The following AFF2 variants were observed in gnomAD, a reference collection of about 807,000 sequenced individuals.
AFF2 encodes ALF transcription elongation factor 2, also known as AF4/FMR2 family member 2.
In AFF2, 14 loss-of-function variants were observed where a neutral mutation model predicts 76.9. The observed-to-expected ratio is 0.18, with a 90% CI of 0.12 to 0.28. The LOEUF is 0.28. Ranked by LOEUF, AFF2 falls within the 10% of genes least tolerant of loss-of-function variation. The pLI, the probability that AFF2 is intolerant of heterozygous loss-of-function variation, is 1.00. For synonymous variants in AFF2, 398 were observed against 366.7 expected (o/e 1.09, Z -0.98); for missense variants, 868 against 1,001.1 (o/e 0.87, Z 1.79).
intron 7 of AFF2, among the ~76,000 whole-genome samples, chrX:148,853,705 T>C (rs1048977906): frequency 1.8e-5 from 2 of 111,798 alleles, no homozygotes; most frequent in African/African-American, 3.3e-5. Context: ...TTTTCAAAAG[T>C]GTTCTGTCAA....
At chrX:148,965,011 C>T (rs1418041743) in intron 13 of AFF2, among the ~76,000 whole-genome samples, 1 of 112,676 alleles carries the variant, frequency 8.9e-6, no homozygotes, top group Non-Finnish European at 1.9e-5. Flanking sequence ...GGGCAGAAAG[C>T]TGCAGCCAAA....
intron 15 of AFF2, among the ~76,000 whole-genome samples, chrX:148,970,786 T>G (rs1158768357): frequency 8.9e-6 from 1 of 112,173 alleles, no homozygotes; most frequent in Non-Finnish European, 1.9e-5. Flanking sequence ...TCATCTTTCA[T>G]GACAATAGCA....
At chrX:148,673,656 C>A (rs1283260294) in intron 3 of AFF2, among the ~76,000 whole-genome samples, 2 of 111,866 alleles carry the variant, frequency 1.8e-5, no homozygotes, top group Non-Finnish European at 3.8e-5. Flanking sequence ...GTATTCAACC[C>A]TGTATAAGAG....
chrX:148,905,720 A>G (rs1194471795), intron 9 of AFF2, among the ~76,000 whole-genome samples: 1 of 112,664 alleles, frequency 8.9e-6, no homozygotes, highest in Non-Finnish European at 1.9e-5. Context: ...TCCCAATAGG[A>G]AGTGATTCCC....
intron 8 of AFF2, among the ~76,000 whole-genome samples, chrX:148,901,714 T>A (rs1603337553): frequency 8.9e-6 from 1 of 112,262 alleles, no homozygotes; most frequent in East Asian, 2.8e-4. Flanking sequence ...TCACTTAAAA[T>A]TTTTTCCTCA....
intron 1 of AFF2, among the ~76,000 whole-genome samples, chrX:148,552,855 A>G (rs1446970610): frequency 2.7e-5 from 3 of 112,071 alleles, no homozygotes; most frequent in Non-Finnish European, 5.6e-5. Flanking sequence ...GAAATCGGGG[A>G]CATCCTTTAC....
Position 148,605,644 on chromosome X carries a change from A to C in AFF2, c.48-46355A>C, listed in dbSNP as rs1378050109. Among the ~76,000 whole-genome samples, 7 of 112,164 alleles carry C rather than the reference A, an allele frequency of 6.2e-5. No individual in the cohort carries two copies. The East Asian group carries it at 1.7e-3, about 27-fold the overall frequency. Reference sequence around the variant, plus strand: ...ATATCTTGTGATGCTAGAAATAAGGAAGTGTTGACAAACGATCAAGGTGTC... The same window carrying C: ...ATATCTTGTGATGCTAGAAATAAGGCAGTGTTGACAAACGATCAAGGTGTC... On this transcript the variant is annotated intron_variant, in intron 1 of 20. Coordinates refer to ENST00000370460, the MANE Select transcript of AFF2 (RefSeq NM_002025.4).
At chrX:148,792,618 T>A (rs1224561120) in intron 3 of AFF2, among the ~76,000 whole-genome samples, 4 of 112,474 alleles carry the variant, frequency 3.6e-5, no homozygotes, top group African/African-American at 1.3e-4. Flanking sequence ...ATGGCAGTGC[T>A]AAGAGGGTCT....
At chrX:148,944,245 C>T (rs782262545) in intron 9 of AFF2, among the ~76,000 whole-genome samples, 187 of 111,969 alleles carry the variant, frequency 1.7e-3, no homozygotes, top group Non-Finnish European at 2.7e-3. Context: ...GAGGAGATTC[C>T]TCCATGGAAG....
chrX:148,506,866 C>A (rs2052425765), intron 1 of AFF2, among the ~76,000 whole-genome samples: 1 of 111,869 alleles, frequency 8.9e-6, no homozygotes, highest in African/African-American at 3.2e-5. Flanking sequence ...AACGGAAGTT[C>A]AGAGAGGTTA....
intron 1 of AFF2, among the ~76,000 whole-genome samples, chrX:148,563,242 A>G (rs1210564854): frequency 1.8e-5 from 2 of 112,447 alleles, no homozygotes; most frequent in Non-Finnish European, 3.8e-5. Flanking sequence ...TCAAAGGGCC[A>G]GATAAGCAAT....
chrX:148,611,847 G>A (rs1422004702), intron 1 of AFF2, among the ~76,000 whole-genome samples: 1 of 111,703 alleles, frequency 9.0e-6, no homozygotes, highest in Non-Finnish European at 1.9e-5. Flanking sequence ...GTCTTTATAT[G>A]TCAATGGGTC....
intron 7 of AFF2, among the ~76,000 whole-genome samples, chrX:148,876,289 A>C (rs1416340251): frequency 2.7e-5 from 3 of 112,146 alleles, no homozygotes; most frequent in African/African-American, 9.7e-5. Context: ...GAGGTGACAC[A>C]GATAGTCAGA....
intron 3 of AFF2, among the ~76,000 whole-genome samples, chrX:148,770,327 G>T (rs781826236): frequency 9.0e-6 from 1 of 111,480 alleles, no homozygotes. Flanking sequence ...CATTCTATAC[G>T]TGGACATCCT....
intron 3 of AFF2, among the ~76,000 whole-genome samples, chrX:148,774,084 A>G (rs2069637687): frequency 8.9e-6 from 1 of 111,794 alleles, no homozygotes; most frequent in African/African-American, 3.3e-5. Context: ...CAGAAATGCC[A>G]AGTCAGGGTG....
intron 1 of AFF2, among the ~76,000 whole-genome samples, chrX:148,578,768 A>C (rs782054010): frequency 8.9e-6 from 1 of 111,913 alleles, no homozygotes; most frequent in East Asian, 2.8e-4. Flanking sequence ...CAGGGCAAAA[A>C]TATTTGAATA....
rs2124454935 is a variant in AFF2 at position 148,999,454 on chromosome X, T to G, written c.*8122T>G. 1 of 112,700 alleles carries G rather than the reference T, an allele frequency of 8.9e-6. No individual in the cohort carries two copies. The highest frequency in any genetic ancestry group is 3.2e-5 in the African/African-American group (1 of 31,020). 9.3% of individuals were successfully genotyped at this position (112,700 alleles called of 1,213,427 possible). On this transcript the variant is annotated 3_prime_UTR_variant, in exon 21 of 21. Transcript: ENST00000370460. ...TTTAAGTGTCATAGAAAATATTTAT[T>G]GAGTAACTGGGACACAAATGGGAAT... is the stretch of plus-strand genomic sequence containing the variant.
At chrX:148,812,569 C>T (rs2070217207) in intron 4 of AFF2, among the ~76,000 whole-genome samples, 2 of 111,407 alleles carry the variant, frequency 1.8e-5, no homozygotes, top group Admixed American at 9.6e-5. Flanking sequence ...TTGTTTGCAT[C>T]TGCACCATGA....
intron 1 of AFF2, among the ~76,000 whole-genome samples, chrX:148,514,473 A>G (rs1222317477): frequency 8.9e-6 from 1 of 112,601 alleles, no homozygotes. Context: ...GATTTCCTGA[A>G]CATAGTTCTG....
Sources: allele counts gnomAD v4.1 joint callset (sites outside exome capture counted in the v4.1 genomes callset), GRCh38; gene constraint gnomAD v4.1.1; transcripts MANE v1.5; gene names NCBI Gene and HGNC (gene_info 2026-07-23, HGNC 2026-07-21).